ADAMTSL1: variants seen among roughly 807,000 people sequenced by gnomAD.
The protein encoded by ADAMTSL1 is ADAMTS like 1.
Under a neutral mutation model 201.8 loss-of-function variants are expected in ADAMTSL1, and 126 were observed. The ratio of observed to expected loss-of-function variants is 0.62; its 90% CI spans 0.54 to 0.72. The LOEUF is 0.72. ADAMTSL1 is among the 30% of genes least tolerant of loss of function. The pLI is 0.00. For missense variants in ADAMTSL1, 2,679 were observed against 2,277.8 expected, an observed-to-expected ratio of 1.18 and a Z score of -3.59; for synonymous variants, 1,121 against 903.4, an observed-to-expected ratio of 1.24 and a Z score of -4.32.
At chr9:18,486,921 T>C (rs1474271548) in intron 1 of ADAMTSL1, among the ~76,000 whole-genome samples, 1 of 152,234 alleles carries the variant, frequency 6.6e-6, no homozygotes, top group Non-Finnish European at 1.5e-5. Flanking sequence ...TACGAATCTT[T>C]ACATGGGATG....
intron 2 of ADAMTSL1, among the ~76,000 whole-genome samples, chr9:18,359,850 C>T (rs1272716733): frequency 3.3e-5 from 3 of 91,930 alleles, no homozygotes; most frequent in Non-Finnish European, 6.6e-5. Context: ...CACAAAATGC[C>T]CCACCCCTGC....
intron 1 of ADAMTSL1, among the ~76,000 whole-genome samples, chr9:18,094,475 A>G (rs764928121): frequency 3.9e-5 from 6 of 152,104 alleles, no homozygotes; most frequent in Non-Finnish European, 8.8e-5. Flanking sequence ...TAGGTCTGTC[A>G]TCCATTGTGT....
intron 2 of ADAMTSL1, among the ~76,000 whole-genome samples, chr9:18,531,746 T>G (rs992846824): frequency 2.0e-5 from 3 of 152,326 alleles, no homozygotes; most frequent in African/African-American, 4.8e-5. Flanking sequence ...CTTTGTATTC[T>G]TCACAGTAAT....
At chr9:18,734,426 T>A (rs971472857) in intron 15 of ADAMTSL1, among the ~76,000 whole-genome samples, 4 of 152,202 alleles carry the variant, frequency 2.6e-5, no homozygotes, top group African/African-American at 9.7e-5. Context: ...CTATTTGCTC[T>A]AATCCTTGGG....
At chr9:18,865,165 T>C (rs562452934) in intron 23 of ADAMTSL1, among the ~76,000 whole-genome samples, 25 of 152,170 alleles carry the variant, frequency 1.6e-4, no homozygotes, top group Non-Finnish European at 3.4e-4. Flanking sequence ...ACATTAGGTA[T>C]ATCTCCTAAT....
chr9:18,620,099 A>T (rs1430938381), intron 4 of ADAMTSL1, among the ~76,000 whole-genome samples: 1 of 146,858 alleles, frequency 6.8e-6, no homozygotes, highest in Non-Finnish European at 1.5e-5. Flanking sequence ...TCTAAAGGAC[A>T]TGGTGAACCT....
chr9:18,684,308 A>G (rs554635750), intron 12 of ADAMTSL1, among the ~76,000 whole-genome samples: 30 of 152,336 alleles, frequency 2.0e-4, no homozygotes, highest in African/African-American at 7.2e-4. Flanking sequence ...GCAAAAAAAA[A>G]AAAGTTAGAA....
At chr9:18,867,304 TG>T (rs1827593186) in intron 23 of ADAMTSL1, among the ~76,000 whole-genome samples, 1 of 152,230 alleles carries the variant, frequency 6.6e-6, no homozygotes, top group Non-Finnish European at 1.5e-5. Context: ...ATAAAATATT[TG>T]GGAAAATATG....
chr9:18,570,210 C>T (rs910569804), intron 3 of ADAMTSL1, among the ~76,000 whole-genome samples: 1 of 149,874 alleles, frequency 6.7e-6, no homozygotes, highest in Non-Finnish European at 1.5e-5. Context: ...GGCGAGACCC[C>T]ATTCGCCACA....
chr9:18,456,671 T>C (rs911303470), intron 2 of ADAMTSL1, among the ~76,000 whole-genome samples: 2 of 152,226 alleles, frequency 1.3e-5, no homozygotes, highest in African/African-American at 4.8e-5. Flanking sequence ...TAGGAGATTT[T>C]TAAATAAGGA....
At chr9:17,951,314 G>A (rs1827719645) in intron 1 of ADAMTSL1, among the ~76,000 whole-genome samples, 1 of 152,156 alleles carries the variant, frequency 6.6e-6, no homozygotes. Flanking sequence ...ATCCACATGA[G>A]TCTGCCCAGA....
At chr9:18,260,448 C>G (rs1587417135) in intron 2 of ADAMTSL1, among the ~76,000 whole-genome samples, 2 of 152,228 alleles carry the variant, frequency 1.3e-5, no homozygotes, top group Non-Finnish European at 2.9e-5. Context: ...TGGCACCCAG[C>G]AGGGAGAAGG....
chr9:18,602,648 C>T (rs1180595295), intron 4 of ADAMTSL1, among the ~76,000 whole-genome samples: 2 of 152,194 alleles, frequency 1.3e-5, no homozygotes, highest in Non-Finnish European at 2.9e-5. Context: ...AAATCAGCCC[C>T]ATCTGTACCC....
chr9:18,031,234 A>G (rs896070436), intron 1 of ADAMTSL1, among the ~76,000 whole-genome samples: 3 of 152,224 alleles, frequency 2.0e-5, no homozygotes, highest in African/African-American at 7.2e-5. Flanking sequence ...TTAAATTGCT[A>G]GAGTTCTTGC....
chr9:18,834,073 T>C (rs1825165328), intron 23 of ADAMTSL1, among the ~76,000 whole-genome samples: 1 of 152,106 alleles, frequency 6.6e-6, no homozygotes, highest in African/African-American at 2.4e-5. Flanking sequence ...CAGCACCATG[T>C]TTTTTGGTGA....
At chr9:18,877,322 G>A (rs1828228393) in intron 23 of ADAMTSL1, among the ~76,000 whole-genome samples, 1 of 152,120 alleles carries the variant, frequency 6.6e-6, no homozygotes, top group Non-Finnish European at 1.5e-5. Context: ...CATAATACCA[G>A]GATTGTTTTT....
At chr9:17,937,936 T>C (rs192154911) in intron 1 of ADAMTSL1, among the ~76,000 whole-genome samples, 1 of 152,216 alleles carries the variant, frequency 6.6e-6, no homozygotes, top group East Asian at 1.9e-4. Flanking sequence ...AACAGAAGTA[T>C]GAGGAGGGGG....
At chr9:18,071,782 T>C (rs1245566418) in intron 1 of ADAMTSL1, among the ~76,000 whole-genome samples, 1 of 152,170 alleles carries the variant, frequency 6.6e-6, no homozygotes, top group Non-Finnish European at 1.5e-5. Flanking sequence ...GGTGAATTAT[T>C]TGATGCGTTG....
intron 2 of ADAMTSL1, among the ~76,000 whole-genome samples, chr9:18,532,333 TTAGTC>T (rs1171166195): frequency 1.3e-5 from 2 of 152,126 alleles, no homozygotes; most frequent in African/African-American, 2.4e-5. Context: ...TTCATTCCCT[TTAGTC>T]TAGTAATTCT....
Sources: gnomAD v4.1 joint callset for allele counts (sites outside exome capture counted in the v4.1 genomes callset) on GRCh38, gnomAD v4.1.1 for gene constraint, MANE v1.5 for transcripts, NCBI Gene and HGNC (gene_info 2026-07-23, HGNC 2026-07-21) for gene names.